ADGRL3: variants seen among roughly 807,000 people sequenced by gnomAD.
ADGRL3 encodes calcium-independent alpha-latrotoxin receptor 3.
In ADGRL3, 62 loss-of-function variants were observed where a neutral mutation model predicts 153.5. The ratio of observed to expected loss-of-function variants is 0.40; its 90% CI spans 0.33 to 0.50. The LOEUF (loss-of-function observed/expected upper bound fraction) is 0.50, where lower values mean the gene tolerates loss of function less well. Among genes scored for constraint, ADGRL3 ranks in the 20% least tolerant of loss-of-function variants. The probability of loss-of-function intolerance (pLI) is 0.47; values close to 1 mark genes in which losing one functional copy is unlikely to be tolerated. For synonymous variants in ADGRL3, 710 were observed against 672.5 expected, an observed-to-expected ratio of 1.06 and a Z score of -0.86; for missense variants, 1,641 against 1,859.4, an observed-to-expected ratio of 0.88 and a Z score of 2.16.
chr4:61,459,279 C>T (rs1049085164), intron 2 of ADGRL3, among the ~76,000 whole-genome samples: 3 of 151,824 alleles, frequency 2.0e-5, no homozygotes, highest in Non-Finnish European at 3.0e-5. Context: ...TCTTTGTCCT[C>T]CTGGAATGTG....
At chr4:61,684,381 C>T (rs917210590) in intron 6 of ADGRL3, among the ~76,000 whole-genome samples, 31 of 152,062 alleles carry the variant, frequency 2.0e-4, no homozygotes, top group Non-Finnish European at 5.9e-5. Context: ...AGTCAGTGAT[C>T]TAGAGATCAA....
rs950400409 is a variant in ADGRL3 at position 62,070,743 on chromosome 4, C to T, written c.4467C>T (p.Tyr1489=). The T allele has an allele frequency of 3.2e-6, 5 of 1,551,664 alleles. No homozygotes were observed. The highest frequency in any genetic ancestry group is 4.4e-6 in the Non-Finnish European group (5 of 1,146,986). ...GTGGTGATGCCGAAGATGTTTACTA[C>T]AAAAGCATGCCAAACCTAGGCTCCA... ...AKCGDAEDVY[Y]KSMPNLGSRN... is the part of the protein sequence containing the mutation. The change falls in exon 27 of 27, where the codon TAC becomes TAT. Residue 1489 remains tyrosine, a synonymous_variant. Transcript: ENST00000683033.
At chr4:61,444,354 C>T (rs2097558777) in intron 2 of ADGRL3, among the ~76,000 whole-genome samples, 1 of 152,150 alleles carries the variant, frequency 6.6e-6, no homozygotes, top group Non-Finnish European at 1.5e-5. Context: ...GACACACCTA[C>T]CTGCTTTCTG....
At chr4:62,020,033 A>C (rs185999281) in intron 21 of ADGRL3, among the ~76,000 whole-genome samples, 12 of 152,214 alleles carry the variant, frequency 7.9e-5, no homozygotes, top group Non-Finnish European at 2.9e-5. Flanking sequence ...ATTTGTTGGA[A>C]TCTTTAGTTA....
intron 5 of ADGRL3, among the ~76,000 whole-genome samples, chr4:61,629,718 G>A (rs2093039639): frequency 1.4e-5 from 1 of 71,244 alleles, no homozygotes; most frequent in African/African-American, 6.3e-5. Context: ...CTCCGTCTCG[G>A]GGCAAAAAAA....
chr4:61,527,070 T>G (rs1373933249), intron 4 of ADGRL3, among the ~76,000 whole-genome samples: 1 of 152,056 alleles, frequency 6.6e-6, no homozygotes, highest in Non-Finnish European at 1.5e-5. Context: ...CATAGAAATA[T>G]TTATATTCAT....
chr4:61,566,604 A>C (rs1254648252), intron 4 of ADGRL3, among the ~76,000 whole-genome samples: 1 of 152,096 alleles, frequency 6.6e-6, no homozygotes, highest in African/African-American at 2.4e-5. Context: ...GAGACTAACA[A>C]AATTAATTTT....
At chr4:61,389,268 G>C (rs1305365152) in intron 2 of ADGRL3, among the ~76,000 whole-genome samples, 2 of 152,202 alleles carry the variant, frequency 1.3e-5, no homozygotes, top group African/African-American at 4.8e-5. Context: ...TTAGAAGGCA[G>C]TTGATAGGTC....
At chr4:61,498,549 CA>C (rs575792673) in intron 3 of ADGRL3, among the ~76,000 whole-genome samples, 42 of 142,652 alleles carry the variant, frequency 2.9e-4, no homozygotes, top group African/African-American at 8.5e-4. Context: ...GACTCTGTCT[CA>C]AAAAAAAAAT....
intron 25 of ADGRL3, among the ~76,000 whole-genome samples, chr4:62,067,862 T>C (rs1560576678): frequency 6.6e-6 from 1 of 152,086 alleles, no homozygotes; most frequent in Non-Finnish European, 1.5e-5. Context: ...TTTACTCTCC[T>C]TGGTTTATGT....
chr4:61,752,835 G>C (rs562328020), intron 8 of ADGRL3, among the ~76,000 whole-genome samples: 1 of 152,284 alleles, frequency 6.6e-6, no homozygotes, highest in East Asian at 1.9e-4. Context: ...TCAGGAGACT[G>C]AGGTGGGAGG....
At chr4:61,925,761 G>C (rs2098791772) in intron 13 of ADGRL3, among the ~76,000 whole-genome samples, 1 of 151,968 alleles carries the variant, frequency 6.6e-6, no homozygotes, top group Non-Finnish European at 1.5e-5. Context: ...CCTCCCACCA[G>C]GCCCCACCTC....
At chr4:61,951,203 T>C (rs1162891325) in intron 17 of ADGRL3, among the ~76,000 whole-genome samples, 2 of 152,112 alleles carry the variant, frequency 1.3e-5, no homozygotes, top group African/African-American at 4.8e-5. Flanking sequence ...TACTTAAAGC[T>C]GAGAAAAATG....
At chr4:61,292,207 ATAACCT>A (rs1317431781) in intron 1 of ADGRL3, among the ~76,000 whole-genome samples, 2 of 152,018 alleles carry the variant, frequency 1.3e-5, no homozygotes, top group Non-Finnish European at 2.9e-5. Flanking sequence ...AATTAAAACT[ATAACCT>A]TAAGCTTTCC....
In ADGRL3 at chr4:61,518,024, T is replaced by A. The variant is rs144401443; in HGVS notation, c.259+506T>A. Reference sequence around the variant, plus strand: ...TTACTGAAACAACCTAATTTTCTTATGAAAATGGCGGAACATTCTTCCTAT... The same window carrying A: ...TTACTGAAACAACCTAATTTTCTTAAGAAAATGGCGGAACATTCTTCCTAT... On this transcript the variant is annotated intron_variant, in intron 4 of 26. Coordinates refer to ENST00000683033, the MANE Select transcript of ADGRL3 (RefSeq NM_001387552.1). 4.6e-3 allele frequency among the ~76,000 whole-genome samples: 693 copies of A among 152,306 alleles called. 3 individuals carry two copies. The highest frequency in any genetic ancestry group is 7.4e-3 in the Non-Finnish European group (506 of 68,022).
chr4:61,784,518 T>C (rs2097254575), intron 8 of ADGRL3, among the ~76,000 whole-genome samples: 1 of 152,118 alleles, frequency 6.6e-6, no homozygotes, highest in Non-Finnish European at 1.5e-5. Flanking sequence ...GTTTACAGAA[T>C]GTGGAGAACC....
intron 9 of ADGRL3, among the ~76,000 whole-genome samples, chr4:61,838,979 A>T (rs1020435003): frequency 1.3e-5 from 2 of 152,176 alleles, no homozygotes; most frequent in African/African-American, 4.8e-5. Flanking sequence ...CATCTAATAT[A>T]AGGAGTCCTG....
chr4:61,726,294 G>T (rs2096343128), intron 6 of ADGRL3, among the ~76,000 whole-genome samples: 1 of 148,618 alleles, frequency 6.7e-6, no homozygotes, highest in Non-Finnish European at 1.5e-5. Flanking sequence ...TGCCTTTTGG[G>T]TTCAAGTGAT....
intron 5 of ADGRL3, among the ~76,000 whole-genome samples, chr4:61,608,151 A>G (rs999908757): frequency 5.9e-5 from 9 of 152,212 alleles, no homozygotes. Flanking sequence ...ATTAAACTGG[A>G]CCAGTCTGCT....
Sources: allele counts gnomAD v4.1 joint callset (sites outside exome capture counted in the v4.1 genomes callset), GRCh38; gene constraint gnomAD v4.1.1; transcripts MANE v1.5; gene names NCBI Gene and HGNC (gene_info 2026-07-23, HGNC 2026-07-21).